FANCB: variants seen among roughly 807,000 people sequenced by gnomAD.
FANCB encodes FA complementation group B, also known as Fanconi anemia group B protein.
A neutral mutation model predicts 38.9 loss-of-function variants in FANCB; 5 were observed. The observed-to-expected ratio is 0.13, with a 90% CI of 0.07 to 0.27. FANCB has a LOEUF of 0.27. Ranked by LOEUF, FANCB falls within the 10% of genes least tolerant of loss-of-function variation. The pLI, the probability that FANCB is intolerant of heterozygous loss-of-function variation, is 1.00. For missense variants in FANCB, 573 were observed against 602.7 expected (o/e 0.95, Z 0.52); for synonymous variants, 236 against 215.4 (o/e 1.10, Z -0.84).
chrX:14,783,319 G>A, the FANCB span, among the ~76,000 whole-genome samples: 1 of 111,965 alleles, frequency 8.9e-6, no homozygotes, highest in South Asian at 3.8e-4. Flanking sequence ...GACCTGGAAA[G>A]AGTACAATCC....
chrX:14,830,438 G>A, the FANCB span, among the ~76,000 whole-genome samples: 5 of 111,683 alleles, frequency 4.5e-5, no homozygotes, highest in Non-Finnish European at 9.4e-5. Context: ...AGGTATGCCA[G>A]TTATATACAT....
chrX:14,828,752 C>T, the FANCB span, among the ~76,000 whole-genome samples: 1 of 111,539 alleles, frequency 9.0e-6, no homozygotes, highest in Non-Finnish European at 1.9e-5. Flanking sequence ...TCTCTGTCAC[C>T]CAGACTGGAA....
At chrX:14,812,377 C>T in the FANCB span, among the ~76,000 whole-genome samples, 5 of 110,539 alleles carry the variant, frequency 4.5e-5, no homozygotes, top group Non-Finnish European at 9.5e-5. Flanking sequence ...AATCCAGGAG[C>T]TGGTTTTTTG....
At chrX:14,756,687 C>T in the FANCB span, among the ~76,000 whole-genome samples, 11 of 111,524 alleles carry the variant, frequency 9.9e-5, no homozygotes, top group Admixed American at 1.9e-4. Flanking sequence ...GCTCGGGCAG[C>T]GGTCTTTGCT....
the FANCB span, among the ~76,000 whole-genome samples, chrX:14,783,939 G>A: frequency 8.9e-6 from 1 of 112,771 alleles, no homozygotes; most frequent in African/African-American, 3.2e-5. Flanking sequence ...GCCAGGCGCG[G>A]TGGCTCATGC....
At chrX:14,752,957 G>T in the FANCB span, among the ~76,000 whole-genome samples, 1 of 57,138 alleles carries the variant, frequency 1.8e-5, no homozygotes, top group Non-Finnish European at 3.4e-5. Context: ...TCTGTCTCTG[G>T]CTCTCTCTCT....
chrX:14,818,085 T>C, the FANCB span, among the ~76,000 whole-genome samples: 2 of 111,734 alleles, frequency 1.8e-5, no homozygotes, highest in Non-Finnish European at 3.8e-5. Context: ...CCGGTCCTCA[T>C]TGAGCCTTTG....
the FANCB span, among the ~76,000 whole-genome samples, chrX:14,712,950 A>C: frequency 2.7e-5 from 3 of 111,908 alleles, no homozygotes; most frequent in Non-Finnish European, 3.8e-5. Flanking sequence ...AAAAATCCTA[A>C]CCTGCAACCA....
At chrX:14,753,729 C>T in the FANCB span, among the ~76,000 whole-genome samples, 13 of 111,096 alleles carry the variant, frequency 1.2e-4, no homozygotes, top group Non-Finnish European at 2.1e-4. Context: ...CAAAGACCTC[C>T]CAAGCCTTCA....
the FANCB span, among the ~76,000 whole-genome samples, chrX:14,797,610 A>T: frequency 9.3e-6 from 1 of 107,078 alleles, no homozygotes; most frequent in Non-Finnish European, 1.9e-5. Context: ...TGAACCTGGG[A>T]GGAGGAGGTT....
chrX:14,841,531 G>A (rs1300654929), downstream of FANCB, among the ~76,000 whole-genome samples: 1 of 111,863 alleles, frequency 8.9e-6, no homozygotes, highest in Non-Finnish European at 1.9e-5. Context: ...AGTCACTTGT[G>A]TACTATTAGA....
the FANCB span, among the ~76,000 whole-genome samples, chrX:14,691,999 A>G: frequency 8.9e-6 from 1 of 112,206 alleles, no homozygotes; most frequent in Non-Finnish European, 1.9e-5. Context: ...TTAATGCTGC[A>G]AATACCTAGA....
At chrX:14,690,993 G>A in the FANCB span, 1 of 613,370 alleles carries the variant, frequency 1.6e-6, no homozygotes, top group Non-Finnish European at 2.5e-6. Flanking sequence ...CTACTACACT[G>A]ACTTAGTGCT....
chrX:14,776,008 T>C, the FANCB span, among the ~76,000 whole-genome samples: 2 of 107,426 alleles, frequency 1.9e-5, no homozygotes. Context: ...ACCTACAAAC[T>C]CACAGGGACA....
chrX:14,776,062 G>A, the FANCB span, among the ~76,000 whole-genome samples: 2 of 89,569 alleles, frequency 2.2e-5, no homozygotes, highest in East Asian at 4.4e-4. Context: ...AGAAAAATTC[G>A]TGATTTGTTT....
At chrX:14,772,828 C>T in the FANCB span, among the ~76,000 whole-genome samples, 1 of 111,627 alleles carries the variant, frequency 9.0e-6, no homozygotes, top group African/African-American at 3.3e-5. Flanking sequence ...GAGGGGATCT[C>T]CTGATTCAAG....
At chrX:14,846,180 G>A (rs945497149) in intron 7 of FANCB, among the ~76,000 whole-genome samples, 11 of 111,566 alleles carry the variant, frequency 9.9e-5, no homozygotes, top group African/African-American at 3.6e-4. Flanking sequence ...AGAAGATACA[G>A]AAAGAAGATA....
chrX:14,842,107 C>T (rs12009154), downstream of FANCB, among the ~76,000 whole-genome samples: 2,502 of 111,625 alleles, frequency 0.022, 63 homozygotes, highest in African/African-American at 0.077. Context: ...GCACATGACA[C>T]ATATTCTTTC....
the FANCB span, among the ~76,000 whole-genome samples, chrX:14,810,542 G>A: frequency 8.9e-6 from 1 of 112,117 alleles, no homozygotes; most frequent in Non-Finnish European, 1.9e-5. Context: ...GACCTGACAC[G>A]ATCAACTGGA....
Sources: gnomAD v4.1 joint callset for allele counts (sites outside exome capture counted in the v4.1 genomes callset) on GRCh38, gnomAD v4.1.1 for gene constraint, MANE v1.5 for transcripts, NCBI Gene and HGNC (gene_info 2026-07-23, HGNC 2026-07-21) for gene names.